The following DLGAP2 variants were observed in gnomAD, a reference collection of about 807,000 sequenced individuals.
DLGAP2 encodes DLG associated protein 2, also known as disks large-associated protein 2.
DLGAP2 carries 26 observed loss-of-function variants against 100.3 expected under a neutral mutation model. The observed-to-expected ratio is 0.26, with a 90% CI of 0.19 to 0.36. The LOEUF (loss-of-function observed/expected upper bound fraction) is 0.36, where lower values mean the gene tolerates loss of function less well. Ranked by LOEUF, DLGAP2 falls within the 10% of genes least tolerant of loss-of-function variation. The pLI, the probability that DLGAP2 is intolerant of heterozygous loss-of-function variation, is 1.00. For missense variants in DLGAP2, 1,858 were observed against 1,453.2 expected (o/e 1.28, Z -4.53); for synonymous variants, 886 against 630.1 (o/e 1.41, Z -6.08).
At chr8:1,178,283 G>C (rs888201935) in intron 2 of DLGAP2, among the ~76,000 whole-genome samples, 1 of 152,216 alleles carries the variant, frequency 6.6e-6, no homozygotes, top group Non-Finnish European at 1.5e-5. Context: ...AGAGGGCTGT[G>C]AATTGTTCTT....
At chr8:1,305,483 C>T (rs1301726404) in intron 3 of DLGAP2, among the ~76,000 whole-genome samples, 1 of 152,128 alleles carries the variant, frequency 6.6e-6, no homozygotes, top group Non-Finnish European at 1.5e-5. Context: ...GGTCTTTATT[C>T]ATACATTTGT....
intron 1 of DLGAP2, among the ~76,000 whole-genome samples, chr8:894,103 GC>G (rs1351689703): frequency 1.3e-5 from 2 of 152,186 alleles, no homozygotes; most frequent in Admixed American, 1.3e-4. Context: ...CCCTCTCGGA[GC>G]AGTGTGCGTC....
chr8:1,676,719 G>A (rs1028096779), intron 11 of DLGAP2, 101 bp downstream of exon 11: 3 of 1,187,850 alleles, frequency 2.5e-6, no homozygotes, highest in Non-Finnish European at 3.6e-6. Flanking sequence ...AATCATGCCT[G>A]TCCTTGTGGA....
At position 1,043,392 on chromosome 8, in the gene DLGAP2, G is replaced by A. The variant is rs1049200447; in HGVS notation, c.73+135426G>A. ...TGGACGTGGCTGGCAGGTGGTGGAC[G>A]TAGGTGGTGGATATAGGTGGTGGAT... is the stretch of plus-strand genomic sequence containing the variant. On this transcript the variant is annotated intron_variant, in intron 2 of 14. Transcript: ENST00000637795. Among the ~76,000 whole-genome samples the A allele has an allele frequency of 3.3e-5, 5 of 151,688 alleles. No homozygotes were observed. The South Asian group carries it at 6.3e-4, about 19-fold the overall frequency.
At chr8:1,167,511 T>G (rs1221688533) in intron 2 of DLGAP2, among the ~76,000 whole-genome samples, 1 of 152,204 alleles carries the variant, frequency 6.6e-6, no homozygotes, top group Non-Finnish European at 1.5e-5. Flanking sequence ...GGAATTTCAG[T>G]GTTGCAGACC....
intron 3 of DLGAP2, among the ~76,000 whole-genome samples, chr8:1,413,351 A>G (rs1441116625): frequency 1.3e-5 from 2 of 152,246 alleles, no homozygotes; most frequent in East Asian, 3.8e-4. Context: ...ATGAATTACT[A>G]TTGTAATATA....
chr8:1,663,076 C>T (rs1214013703), intron 8 of DLGAP2, among the ~76,000 whole-genome samples: 14 of 94,932 alleles, frequency 1.5e-4, no homozygotes, highest in African/African-American at 3.9e-4. Flanking sequence ...GGTGTGTGTG[C>T]GTTTGTACAT....
intron 3 of DLGAP2, among the ~76,000 whole-genome samples, chr8:1,352,452 C>T (rs1801757910): frequency 6.6e-6 from 1 of 152,154 alleles, no homozygotes; most frequent in East Asian, 1.9e-4. Context: ...CTGGGGTCAC[C>T]GCTGGGTCTC....
At chr8:1,637,267 A>C (rs1241323761) in intron 8 of DLGAP2, among the ~76,000 whole-genome samples, 1 of 152,202 alleles carries the variant, frequency 6.6e-6, no homozygotes, top group African/African-American at 2.4e-5. Context: ...GGCTTTGGGA[A>C]GGACATTTAG....
chr8:1,164,285 TGA>T lies in DLGAP2; in HGVS notation c.74-94565_74-94564del, dbSNP rs1563224423. 7.4e-3 allele frequency among the ~76,000 whole-genome samples: 504 copies of T among 67,808 alleles called. 1 individual carries two copies. The highest frequency in any genetic ancestry group is 0.012 in the South Asian group (26 of 2,144). 44.5% of individuals were successfully genotyped at this position (67,808 alleles called of 152,430 possible). ...GCCCCTCGTTTTGGTTTGTGGGGAC[TGA>T]TTGTGAGCCCCCCAGGGTTTGTTTT... On this transcript the variant is annotated intron_variant, in intron 2 of 14. Coordinates refer to ENST00000637795, the MANE Select transcript of DLGAP2 (RefSeq NM_001346810.2).
chr8:1,601,222 G>A (rs1796612737), intron 6 of DLGAP2, among the ~76,000 whole-genome samples: 1 of 152,226 alleles, frequency 6.6e-6, no homozygotes, highest in African/African-American at 2.4e-5. Flanking sequence ...AGCAAAGATT[G>A]CTGCCTGTTC....
chr8:1,700,090 C>T (rs7013586), intron 14 of DLGAP2, among the ~76,000 whole-genome samples: 10,663 of 152,210 alleles, frequency 0.07, 579 homozygotes, highest in African/African-American at 0.14. Flanking sequence ...TCACGTAAAA[C>T]AAGCCGAGGG....
Position 1,696,129 on chromosome 8 carries a change from C to G in DLGAP2, c.2797-1018C>G, listed in dbSNP as rs140519288. Among the ~76,000 whole-genome samples the G allele has an allele frequency of 2.2e-3, 342 of 152,284 alleles. 1 individual carries two copies. The highest frequency in any genetic ancestry group is 7.6e-3 in the African/African-American group (314 of 41,554). Reference sequence around the variant, plus strand: ...ATAAGCAAATCCAGTTGAATGTTGACCCACCAGAACCTCCTCTGACTCTTT... The same window carrying G: ...ATAAGCAAATCCAGTTGAATGTTGAGCCACCAGAACCTCCTCTGACTCTTT... On this transcript the variant is annotated intron_variant, in intron 13 of 14. Coordinates refer to ENST00000637795, the MANE Select transcript of DLGAP2 (RefSeq NM_001346810.2).
chr8:942,737 A>T (rs1486892516), intron 2 of DLGAP2, among the ~76,000 whole-genome samples: 4 of 152,244 alleles, frequency 2.6e-5, no homozygotes, highest in Non-Finnish European at 4.4e-5. Context: ...CTTAAGACCA[A>T]CTACAGACTT....
chr8:988,781 C>T (rs1026302521), intron 2 of DLGAP2, among the ~76,000 whole-genome samples: 1 of 152,100 alleles, frequency 6.6e-6, no homozygotes, highest in African/African-American at 2.4e-5. Flanking sequence ...CCCCGGGGAC[C>T]TGGTGAGTGC....
chr8:1,227,153 G>GATATAT (rs759172816), intron 2 of DLGAP2, among the ~76,000 whole-genome samples: 1,118 of 89,688 alleles, frequency 0.012, 79 homozygotes, highest in Admixed American at 0.016. Context: ...GAAACTGTGA[G>GATATAT]ATATATATAT....
intron 1 of DLGAP2, among the ~76,000 whole-genome samples, chr8:746,413 C>T (rs1437588417): frequency 6.6e-6 from 1 of 152,222 alleles, no homozygotes. Context: ...TCAGATGGCG[C>T]ATTGGATCCC....
chr8:1,472,913 C>G (rs1798839414), intron 3 of DLGAP2, among the ~76,000 whole-genome samples: 1 of 152,120 alleles, frequency 6.6e-6, no homozygotes, highest in African/African-American at 2.4e-5. Context: ...TGAGGGAAAA[C>G]TTATGTCCTC....
chr8:1,009,578 G>T (rs143236609), intron 2 of DLGAP2, among the ~76,000 whole-genome samples: 1 of 152,328 alleles, frequency 6.6e-6, no homozygotes, highest in Non-Finnish European at 1.5e-5. Context: ...TGTTCATAGT[G>T]GAAGTGGATG....
Sources: gnomAD v4.1 joint callset for allele counts (sites outside exome capture counted in the v4.1 genomes callset) on GRCh38, gnomAD v4.1.1 for gene constraint, MANE v1.5 for transcripts, NCBI Gene and HGNC (gene_info 2026-07-23, HGNC 2026-07-21) for gene names.